Variants in ARHGAP26 observed in about 807,000 individuals in gnomAD.
ARHGAP26 encodes the protein Rho GTPase activating protein 26, also known as rho GTPase-activating protein 26.
Under a neutral mutation model 104.8 loss-of-function variants are expected in ARHGAP26, and 38 were observed. The ratio of observed to expected loss-of-function variants is 0.36; its 90% confidence interval spans 0.28 to 0.48. The LOEUF (loss-of-function observed/expected upper bound fraction) is 0.48. ARHGAP26 is among the 20% of genes least tolerant of loss of function. The probability of loss-of-function intolerance (pLI) is 0.99; values close to 1 mark genes in which losing one functional copy is unlikely to be tolerated. For missense variants in ARHGAP26, 704 were observed against 947.9 expected, an observed-to-expected ratio of 0.74 and a Z score of 3.38; for synonymous variants, 341 against 340.0, an observed-to-expected ratio of 1.00 and a Z score of -0.03.
chr5:142,891,242 C>T (rs1562026497), intron 5 of ARHGAP26, among the ~76,000 whole-genome samples: 2 of 151,928 alleles, frequency 1.3e-5, no homozygotes, highest in Admixed American at 6.6e-5. Flanking sequence ...AGAAGCAGGA[C>T]CTTCTGAAAC....
At chr5:143,061,462 T>C (rs1020618569) in intron 17 of ARHGAP26, among the ~76,000 whole-genome samples, 3 of 152,252 alleles carry the variant, frequency 2.0e-5, no homozygotes, top group East Asian at 1.9e-4. Flanking sequence ...GGAGTAGATA[T>C]TAAAAATACC....
At chr5:142,953,575 G>T (rs1421331695) in intron 11 of ARHGAP26, among the ~76,000 whole-genome samples, 2 of 152,096 alleles carry the variant, frequency 1.3e-5, no homozygotes, top group African/African-American at 2.4e-5. Context: ...CTTTCTAATA[G>T]GCTCTTCAAG....
chr5:143,126,427 A>G (rs1430587404), intron 18 of ARHGAP26, among the ~76,000 whole-genome samples: 2 of 152,208 alleles, frequency 1.3e-5, no homozygotes, highest in South Asian at 2.1e-4. Context: ...GAAGTTTCCA[A>G]GTGGAGGCTA....
chr5:142,988,059 A>G (rs566583135), intron 11 of ARHGAP26, among the ~76,000 whole-genome samples: 5 of 152,316 alleles, frequency 3.3e-5, no homozygotes, highest in Admixed American at 6.5e-5. Context: ...GAATGGTTTC[A>G]GAAGGAATGG....
At chr5:142,891,526 C>G (rs916529838) in intron 5 of ARHGAP26, among the ~76,000 whole-genome samples, 1 of 151,892 alleles carries the variant, frequency 6.6e-6, no homozygotes, top group Non-Finnish European at 1.5e-5. Context: ...TGTCTGTTTT[C>G]TTTACTATGC....
rs569005361 is a variant in ARHGAP26, at chr5:143,170,874, T to C, written c.1988+23493T>C. Among the ~76,000 whole-genome samples the C allele has an allele frequency of 5.3e-5, 8 of 152,270 alleles. No individual in the cohort carries two copies. In the South Asian group the frequency reaches 1.4e-3, roughly 28 times the overall value. On this transcript the variant is annotated intron_variant, in intron 20 of 22. Coordinates refer to ENST00000645722, the MANE Select transcript of ARHGAP26 (RefSeq NM_001135608.3). ...GAAAGAGACTGAAGCAGCCCAGTCA[T>C]GTTTCTTCTTTTTCTTGCCCTCCAT...
chr5:143,112,139 G>A (rs1381954037), intron 17 of ARHGAP26, among the ~76,000 whole-genome samples: 2 of 152,166 alleles, frequency 1.3e-5, no homozygotes, highest in African/African-American at 4.8e-5. Context: ...CATGAATGGT[G>A]GTATATTTAT....
chr5:143,193,697 A>T (rs935968027), intron 20 of ARHGAP26, among the ~76,000 whole-genome samples: 3 of 152,216 alleles, frequency 2.0e-5, no homozygotes, highest in Non-Finnish European at 2.9e-5. Context: ...GACTTAAGGA[A>T]GGGAAAATAT....
At chr5:142,794,389 G>A (rs1274330061) in intron 1 of ARHGAP26, among the ~76,000 whole-genome samples, 1 of 152,206 alleles carries the variant, frequency 6.6e-6, no homozygotes, top group Non-Finnish European at 1.5e-5. Context: ...GGGGGACAGA[G>A]GCCAAGGCAA....
intron 1 of ARHGAP26, among the ~76,000 whole-genome samples, chr5:142,791,283 A>T (rs923608653): frequency 7.9e-5 from 12 of 152,166 alleles, no homozygotes; most frequent in African/African-American, 2.9e-4. Context: ...ATGATGAGTT[A>T]AAAGAAGCAA....
chr5:142,968,211 C>G (rs1771710250), intron 11 of ARHGAP26, among the ~76,000 whole-genome samples: 1 of 152,128 alleles, frequency 6.6e-6, no homozygotes, highest in Non-Finnish European at 1.5e-5. Flanking sequence ...AACTGAGACA[C>G]AGAGAGATTA....
chr5:143,022,140 C>T (rs922619936), intron 12 of ARHGAP26, among the ~76,000 whole-genome samples: 5 of 152,072 alleles, frequency 3.3e-5, no homozygotes, highest in African/African-American at 7.2e-5. Flanking sequence ...GGTGTGATCA[C>T]GGCTCACTGC....
At chr5:143,020,766 G>T (rs1221435668) in intron 12 of ARHGAP26, among the ~76,000 whole-genome samples, 2 of 150,754 alleles carry the variant, frequency 1.3e-5, no homozygotes, top group African/African-American at 4.9e-5. Context: ...AGCCTCCCAA[G>T]TAGCTGGGAC....
chr5:143,176,160 A>G (rs753330762), intron 20 of ARHGAP26, among the ~76,000 whole-genome samples: 5 of 152,152 alleles, frequency 3.3e-5, no homozygotes, highest in Non-Finnish European at 7.3e-5. Flanking sequence ...ACACGTGACA[A>G]TGAAACAGAA....
intron 19 of ARHGAP26, among the ~76,000 whole-genome samples, chr5:143,142,192 G>A (rs1022699516): frequency 1.4e-5 from 2 of 140,070 alleles, no homozygotes; most frequent in Non-Finnish European, 3.0e-5. Context: ...GCTGTGGAGT[G>A]CAGTGGCACG....
At chr5:142,809,617 T>C (rs573396509) in intron 1 of ARHGAP26, among the ~76,000 whole-genome samples, 1 of 152,364 alleles carries the variant, frequency 6.6e-6, no homozygotes, top group Admixed American at 6.5e-5. Context: ...AGTCCTCCTT[T>C]GGAGTCCCAT....
At chr5:143,189,586 ATAAT>A (rs10531678) in intron 20 of ARHGAP26, among the ~76,000 whole-genome samples, 24,587 of 152,124 alleles carry the variant, frequency 0.16, 2,014 homozygotes, top group African/African-American at 0.18. Context: ...CATTAGGATA[ATAAT>A]TAAAATATTA....
chr5:143,168,199 C>T (rs1802271824), intron 20 of ARHGAP26, among the ~76,000 whole-genome samples: 1 of 152,196 alleles, frequency 6.6e-6, no homozygotes, highest in Non-Finnish European at 1.5e-5. Context: ...TAACTTTGAA[C>T]ATATGCTTCT....
intron 11 of ARHGAP26, among the ~76,000 whole-genome samples, chr5:143,012,576 T>TACATATATA (rs1554195628): frequency 7.0e-5 from 4 of 57,040 alleles, no homozygotes; most frequent in Non-Finnish European, 1.6e-4. Context: ...TATATATATA[T>TACATATATA]TATGATCAGG....
Sources: allele counts gnomAD v4.1 joint callset (sites outside exome capture counted in the v4.1 genomes callset), GRCh38; gene constraint gnomAD v4.1.1; transcripts MANE v1.5; gene names NCBI Gene and HGNC (gene_info 2026-07-23, HGNC 2026-07-21).